CR1L: variants seen among roughly 807,000 people sequenced by gnomAD.
CR1L encodes the protein complement component receptor 1-like protein.
CR1L carries 59 observed loss-of-function variants against 62.3 expected under a neutral mutation model. The observed-to-expected ratio is 0.95, with a 90% CI of 0.77 to 1.18. The LOEUF is 1.18. Ranked by LOEUF, CR1L falls within the 50% of genes most tolerant of loss-of-function variation. The pLI, the probability that CR1L is intolerant of heterozygous loss-of-function variation, is 0.00. For synonymous variants in CR1L, 279 were observed against 248.7 expected (o/e 1.12, Z -1.15); for missense variants, 700 against 702.8 (o/e 1.00, Z 0.04).
intron 1 of CR1L, among the ~76,000 whole-genome samples, chr1:207,666,528 A>G (rs1423907614): frequency 3.9e-5 from 6 of 152,248 alleles, no homozygotes; most frequent in African/African-American, 1.4e-4. Context: ...GCCATAAAAA[A>G]GAATGAGATC....
At chr1:207,646,938 T>C (rs991568229) in intron 1 of CR1L, among the ~76,000 whole-genome samples, 3 of 152,192 alleles carry the variant, frequency 2.0e-5, no homozygotes, top group African/African-American at 7.2e-5. Context: ...TCAACAAATA[T>C]GGGTCTTGTA....
chr1:207,681,976 T>A (rs1430649847), intron 3 of CR1L, among the ~76,000 whole-genome samples: 1 of 140,972 alleles, frequency 7.1e-6, no homozygotes, highest in Non-Finnish European at 1.5e-5. Flanking sequence ...GAGGGGAGCA[T>A]CACACTCCGG....
intron 9 of CR1L, among the ~76,000 whole-genome samples, chr1:207,705,469 A>G (rs887308707): frequency 2.0e-5 from 3 of 151,938 alleles, no homozygotes; most frequent in South Asian, 2.1e-4. Context: ...CCTCAATCTC[A>G]CTCTTCACGG....
intron 7 of CR1L, 139 bp from the exon 8 acceptor site, chr1:207,699,050 A>G (rs1285933321): frequency 9.5e-7 from 1 of 1,047,846 alleles, no homozygotes; most frequent in African/African-American, 1.6e-5. Flanking sequence ...ATTTTTCCAG[A>G]ATAACGTAGC....
intron 10 of CR1L, chr1:207,710,649 A>G (rs1664340951): frequency 3.1e-6 from 5 of 1,610,078 alleles, no homozygotes; most frequent in Non-Finnish European, 4.2e-6. Context: ...GTGTCTGACA[A>G]CAGAAGCTTA....
intron 10 of CR1L, among the ~76,000 whole-genome samples, chr1:207,715,830 G>A (rs1444777164): frequency 6.6e-6 from 1 of 151,968 alleles, no homozygotes; most frequent in Non-Finnish European, 1.5e-5. Context: ...CCAGTAGTTG[G>A]GACTACAGGT....
At chr1:207,687,097 C>G (rs1663923956) in intron 4 of CR1L, among the ~76,000 whole-genome samples, 1 of 152,244 alleles carries the variant, frequency 6.6e-6, no homozygotes, top group African/African-American at 2.4e-5. Context: ...TTCATCATCC[C>G]ATTCCTGTTT....
At chr1:207,649,903 C>T (rs74150881) in intron 1 of CR1L, among the ~76,000 whole-genome samples, 12,726 of 152,044 alleles carry the variant, frequency 0.084, 767 homozygotes, top group African/African-American at 0.17. Context: ...TTAGTTATGT[C>T]GTGGTAATCC....
chr1:207,700,752 A>T (rs1294981494), intron 8 of CR1L, among the ~76,000 whole-genome samples: 1 of 152,236 alleles, frequency 6.6e-6, no homozygotes, highest in Non-Finnish European at 1.5e-5. Context: ...ATTTCCCAAG[A>T]ACGTAGGCCC....
At chr1:207,687,328 C>G (rs189834493) in intron 4 of CR1L, among the ~76,000 whole-genome samples, 1 of 151,986 alleles carries the variant, frequency 6.6e-6, no homozygotes. Context: ...TTTTTTTATT[C>G]CAACAATTTT....
intron 9 of CR1L, among the ~76,000 whole-genome samples, chr1:207,706,046 A>ATATAT (rs1664263007): frequency 8.3e-6 from 1 of 121,034 alleles, no homozygotes; most frequent in Non-Finnish European, 2.0e-5. Context: ...TATATATATA[A>ATATAT]AACACTGAAT....
chr1:207,713,925 C>T (rs995045343), intron 10 of CR1L, among the ~76,000 whole-genome samples: 1 of 152,228 alleles, frequency 6.6e-6, no homozygotes, highest in Non-Finnish European at 1.5e-5. Context: ...ACTTGGCCTG[C>T]ATCTCCAGGG....
At chr1:207,688,109 C>CA (rs2102464947) in intron 4 of CR1L, among the ~76,000 whole-genome samples, 1 of 152,110 alleles carries the variant, frequency 6.6e-6, no homozygotes, top group African/African-American at 2.4e-5. Context: ...CCTGTCTCTA[C>CA]AAAAAATAAA....
chr1:207,697,298 A>G (rs941876166), intron 5 of CR1L, among the ~76,000 whole-genome samples: 4 of 152,236 alleles, frequency 2.6e-5, no homozygotes, highest in Non-Finnish European at 5.9e-5. Flanking sequence ...TGTTTTAGTC[A>G]CAGTTGTGCA....
intron 1 of CR1L, among the ~76,000 whole-genome samples, chr1:207,677,098 G>A (rs1663702971): frequency 6.6e-6 from 1 of 151,974 alleles, no homozygotes; most frequent in South Asian, 2.1e-4. Flanking sequence ...AGGCAGAGGT[G>A]GGCAGATCAC....
At position 207,694,799 on chromosome 1, in the gene CR1L, C is replaced by G. The variant is rs752636708; in HGVS notation, c.862+48C>G. The G allele has an allele frequency of 2.5e-6, 4 of 1,611,270 alleles. No homozygotes were observed. The South Asian group carries it at 4.4e-5, about 18-fold the overall frequency. ...AGGGCCCTGCCAGTGACATGCATTG[C>G]TGTTGGATCAGGAGATTAGTATTTG... On this transcript the variant is annotated intron_variant, in intron 5 of 11. Coordinates refer to ENST00000508064, the MANE Select transcript of CR1L (RefSeq NM_175710.2).
intron 4 of CR1L, among the ~76,000 whole-genome samples, chr1:207,691,935 G>A (rs754671414): frequency 3.9e-5 from 6 of 152,218 alleles, no homozygotes; most frequent in Non-Finnish European, 7.3e-5. Context: ...CTCCTGCCCA[G>A]CTGCGTGGTG....
chr1:207,695,018 C>T (rs189017225), intron 5 of CR1L, among the ~76,000 whole-genome samples: 2 of 152,306 alleles, frequency 1.3e-5, no homozygotes, highest in Non-Finnish European at 2.9e-5. Context: ...ATAATAACTG[C>T]TGATAGAAAA....
chr1:207,683,790 G>C, intron 3 of CR1L, 82 bp from the exon 4 acceptor site: 1 of 1,324,038 alleles, frequency 7.6e-7, no homozygotes, highest in South Asian at 1.3e-5. Flanking sequence ...TTCTATAAGA[G>C]TGTAATCTCT....
Sources: gnomAD v4.1 joint callset for allele counts (sites outside exome capture counted in the v4.1 genomes callset) on GRCh38, gnomAD v4.1.1 for gene constraint, MANE v1.5 for transcripts, NCBI Gene and HGNC (gene_info 2026-07-23, HGNC 2026-07-21) for gene names.